RGS1: variants seen among roughly 807,000 people sequenced by gnomAD.
RGS1 encodes the protein regulator of G protein signaling 1.
A neutral mutation model predicts 22.2 loss-of-function variants in RGS1; 11 were observed. The observed-to-expected ratio is 0.50, with a 90% CI of 0.31 to 0.82. RGS1 has a LOEUF of 0.82. Among genes scored for constraint, RGS1 ranks in the 40% least tolerant of loss-of-function variants. The pLI is 0.04. For synonymous variants in RGS1, 81 were observed against 79.9 expected, an observed-to-expected ratio of 1.01 and a Z score of -0.07; for missense variants, 255 against 245.8, an observed-to-expected ratio of 1.04 and a Z score of -0.25.
chr1:192,577,994 C>A, intron 3 of RGS1: 2 of 525,158 alleles, frequency 3.8e-6, no homozygotes, highest in South Asian at 5.6e-5. Flanking sequence ...AGCAATGTGA[C>A]TATGAATGAG....
chr1:192,578,005 T>G, intron 3 of RGS1: 2 of 550,438 alleles, frequency 3.6e-6, no homozygotes, highest in Non-Finnish European at 6.2e-6. Flanking sequence ...TATGAATGAG[T>G]TTGTCTGGCC....
intron 4 of RGS1, 69 bp downstream of exon 4, chr1:192,578,454 T>A: frequency 6.5e-7 from 1 of 1,537,696 alleles, no homozygotes; most frequent in Non-Finnish European, 8.9e-7. Context: ...ACATTTAATA[T>A]ATACAACAAG....
At chr1:192,576,168 T>C (rs1444210710) in intron 1 of RGS1, 117 bp from the exon 2 acceptor site, 1 of 966,632 alleles carries the variant, frequency 1.0e-6, no homozygotes, top group East Asian at 2.6e-5. Flanking sequence ...TATAGCAAAA[T>C]GTTGTATCAA....
intron 3 of RGS1, chr1:192,577,687 T>C (rs1198397387): frequency 3.8e-5 from 6 of 158,128 alleles, no homozygotes; most frequent in Non-Finnish European, 8.4e-5. Flanking sequence ...GGTATAGATA[T>C]GGACCATAAA....
In RGS1 at chr1:192,579,138, T is replaced by C; in HGVS notation, c.446T>C (p.Ile149Thr). The change falls in exon 5 of 5, where the codon ATC becomes ACC. Residue 149 changes from isoleucine to threonine, a missense_variant and splice_region_variant. Ile to Thr is a moderately conservative substitution (Grantham distance 89). Transcript: ENST00000367459. ...AFVHSDAAKQ[I>T]NIDFRTREST... is the part of the protein sequence containing the mutation. ...AGCTAACAAGGTTTTCTTTTTTAGA[T>C]CAATATTGACTTCCGCACTCGAGAA... The C allele has an allele frequency of 6.2e-7, 1 of 1,605,284 alleles. No homozygotes were observed. Among genetic ancestry groups the C allele is most frequent in the Non-Finnish European group, 8.5e-7 (1 of 1,177,508 alleles).
intron 4 of RGS1, chr1:192,578,842 A>G (rs1438515319): frequency 5.2e-6 from 2 of 386,864 alleles, no homozygotes; most frequent in African/African-American, 2.1e-5. Flanking sequence ...AAATGCCTAC[A>G]TCACTCTTTA....
At chr1:192,576,606 A>G in intron 2 of RGS1, 168 bp from the exon 3 acceptor site, 1 of 684,014 alleles carries the variant, frequency 1.5e-6, no homozygotes, top group Non-Finnish European at 2.3e-6. Flanking sequence ...TTTTTTCATA[A>G]CTATAGTAAC....
At chr1:192,576,472 T>G in intron 2 of RGS1, 107 bp downstream of exon 2, 2 of 780,316 alleles carry the variant, frequency 2.6e-6, no homozygotes, top group East Asian at 2.6e-5. Flanking sequence ...AGACTTCATT[T>G]CTTTTAAGTA....
intron 4 of RGS1, 171 bp from the exon 5 acceptor site, chr1:192,578,966 A>C: frequency 1.7e-6 from 1 of 596,158 alleles, no homozygotes; most frequent in Non-Finnish European, 2.8e-6. Flanking sequence ...AATATTTCTT[A>C]TCTCCTTCAC....
chr1:192,576,797 A>G lies in RGS1; in HGVS notation c.242A>G (p.Gln81Arg). 1 of 1,612,164 alleles carries G rather than the reference A, an allele frequency of 6.2e-7. No homozygotes were observed. The highest frequency in any genetic ancestry group is 8.5e-7 in the Non-Finnish European group (1 of 1,178,952). ...KDVLSAAEVM[Q>R]WSQSLEKLLA... Reference sequence around the variant, plus strand: ...AGACTTTCTGCTGCTGAAGTAATGCAATGGTCTCAATCTCTGGAAAAACTT... The same window carrying G: ...AGACTTTCTGCTGCTGAAGTAATGCGATGGTCTCAATCTCTGGAAAAACTT... Residue 81 changes from glutamine to arginine, a missense_variant, in exon 3 of 5, where the codon CAA becomes CGA. By Grantham distance (43) the Gln-to-Arg change is conservative. Transcript: ENST00000367459.
In RGS1 at chr1:192,578,205, C is replaced by T. The variant is rs750850227; in HGVS notation, c.281-17C>T. 2.5e-6 allele frequency: 4 copies of T among 1,593,412 alleles called. No homozygotes were observed. Among genetic ancestry groups the T allele is most frequent in the East Asian group, 2.2e-5 (1 of 44,632 alleles). The stretch of plus-strand genomic sequence containing the variant: ...TTAATTTAATTATCTCCCCACCCAC[C>T]CCTCGTTTCTTTTTAGCTGGTCAAA... On this transcript the variant is annotated splice_polypyrimidine_tract_variant and intron_variant, in intron 3 of 4. Transcript: ENST00000367459.
chr1:192,579,555 A>G lies in RGS1; in HGVS notation c.*233A>G. ...AGGAAGATACTGTGGTACTGTCATA[A>G]AAAACAGTGGAGCTCTGTATTAGAA... is the stretch of plus-strand genomic sequence containing the variant. On this transcript the variant is annotated 3_prime_UTR_variant, in exon 5 of 5. Coordinates refer to ENST00000367459, the MANE Select transcript of RGS1 (RefSeq NM_002922.4). 1 of 438,358 alleles carries G rather than the reference A, an allele frequency of 2.3e-6. No individual in the cohort carries two copies. The highest frequency in any genetic ancestry group is 4.0e-6 in the Non-Finnish European group (1 of 248,514). The allele number at this position is 438,358 out of a possible 1,614,324, so 27.2% of individuals were successfully genotyped here.
At chr1:192,577,949 A>G in intron 3 of RGS1, 1 of 397,260 alleles carries the variant, frequency 2.5e-6, no homozygotes, top group South Asian at 4.6e-5. Flanking sequence ...CAAACCGCGG[A>G]TAGAAGCAAA....
chr1:192,578,558 G>A, intron 4 of RGS1, 173 bp downstream of exon 4: 1 of 741,058 alleles, frequency 1.3e-6, no homozygotes, highest in Non-Finnish European at 2.1e-6. Context: ...CTATATTGGT[G>A]AGGGTTTCAG....
chr1:192,576,771 C>T lies in RGS1; in HGVS notation c.219-3C>T, dbSNP rs757635390. The T allele has an allele frequency of 1.9e-6, 3 of 1,610,570 alleles. No homozygotes were observed. On this transcript the variant is annotated splice_region_variant and splice_polypyrimidine_tract_variant and intron_variant, in intron 2 of 4. Transcript: ENST00000367459. ...TAATGTATGTACATTTTGTCCCCTG[C>T]AGACTTTCTGCTGCTGAAGTAATGC... is the stretch of plus-strand genomic sequence containing the variant.
rs1387685095 is a variant in RGS1 at position 192,578,241 on chromosome 1, A to C, written c.300A>C (p.Gly100=). The C allele has an allele frequency of 1.3e-6, 2 of 1,592,696 alleles. No homozygotes were observed. The highest frequency in any genetic ancestry group is 3.4e-5 in the Admixed American group (2 of 59,182). The change falls in exon 4 of 5, where the codon GGA becomes GGC. Residue 100 remains glycine (G), a synonymous_variant. Coordinates refer to ENST00000367459, the MANE Select transcript of RGS1 (RefSeq NM_002922.4). ...LANQTGQNVF[G]SFLKSEFSEE... ...TTTTAGCTGGTCAAAATGTCTTTGG[A>C]AGTTTCCTAAAGTCTGAATTCAGTG...
intron 1 of RGS1, 81 bp from the exon 2 acceptor site, chr1:192,576,204 T>C (rs1451718324): frequency 1.7e-6 from 2 of 1,207,808 alleles, no homozygotes; most frequent in African/African-American, 1.5e-5. Flanking sequence ...CCTTATTCCT[T>C]AGAGAAATTT....
intron 3 of RGS1, 140 bp downstream of exon 3, chr1:192,576,975 C>T (rs1352390575): frequency 5.0e-6 from 3 of 598,542 alleles, no homozygotes; most frequent in Non-Finnish European, 8.2e-6. Flanking sequence ...ATAACTTCAG[C>T]ATAGTATGCC....
chr1:192,578,660 A>T, intron 4 of RGS1: 1 of 512,820 alleles, frequency 1.9e-6, no homozygotes. Context: ...CCAGAACTGC[A>T]TGTCAGGGAG....
Sources: gnomAD v4.1 joint callset for allele counts on GRCh38, gnomAD v4.1.1 for gene constraint, MANE v1.5 for transcripts, NCBI Gene and HGNC (gene_info 2026-07-23, HGNC 2026-07-21) for gene names.